The following CUX1 variants were observed in gnomAD, a reference collection of about 807,000 sequenced individuals.
CUX1 encodes cut like homeobox 1, also known as protein CASP.
In CUX1, 31 loss-of-function variants were observed where a neutral mutation model predicts 158.8. The observed-to-expected ratio is 0.20, with a 90% CI of 0.15 to 0.26. CUX1 has a LOEUF of 0.26. Among genes scored for constraint, CUX1 ranks in the 10% least tolerant of loss-of-function variants. The probability of loss-of-function intolerance (pLI) is 1.00; values close to 1 mark genes in which losing one functional copy is unlikely to be tolerated. For missense variants in CUX1, 1,589 were observed against 2,014.6 expected (o/e 0.79, Z 4.04); for synonymous variants, 879 against 862.1 (o/e 1.02, Z -0.34).
intron 18 of CUX1, 151 bp downstream of exon 18, chr7:102,202,355 G>A (rs1795538194): frequency 1.2e-5 from 14 of 1,143,542 alleles, no homozygotes; most frequent in East Asian, 2.6e-5. Flanking sequence ...TCCAAGGTGC[G>A]GCTGGTGAAC....
chr7:102,065,368 C>T (rs549356367), intron 3 of CUX1, among the ~76,000 whole-genome samples: 1 of 152,308 alleles, frequency 6.6e-6, no homozygotes, highest in East Asian at 1.9e-4. Context: ...GTGCATGCCA[C>T]CATGCCCAGC....
At chr7:101,816,878 C>G, upstream of CUX1, 29 of 976,884 alleles carry the variant, frequency 3.0e-5, no homozygotes, top group Non-Finnish European at 3.5e-5. Flanking sequence ...CGGCCCGGGC[C>G]GCGCCGCCGC....
intron 8 of CUX1, among the ~76,000 whole-genome samples, chr7:102,151,555 A>C (rs1835662607): frequency 6.6e-6 from 1 of 151,822 alleles, no homozygotes; most frequent in Non-Finnish European, 1.5e-5. Flanking sequence ...ACTCCATCTC[A>C]GAAAATAAAA....
intron 9 of CUX1, among the ~76,000 whole-genome samples, chr7:102,165,254 G>A (rs921633085): frequency 4.0e-5 from 6 of 151,068 alleles, no homozygotes; most frequent in Admixed American, 2.0e-4. Context: ...GCCTTACCAC[G>A]TTTTATGAGT....
intron 1 of CUX1, among the ~76,000 whole-genome samples, chr7:101,837,143 C>T (rs1479123702): frequency 1.3e-5 from 2 of 152,168 alleles, no homozygotes; most frequent in African/African-American, 4.8e-5. Context: ...TTGAGATGCA[C>T]TTGTCCGGGG....
intron 1 of CUX1, among the ~76,000 whole-genome samples, chr7:101,888,110 G>GA (rs1270606744): frequency 6.6e-6 from 1 of 152,080 alleles, no homozygotes; most frequent in Non-Finnish European, 1.5e-5. Flanking sequence ...GAGGTGGGGG[G>GA]ATCACCTGAG....
intron 2 of CUX1, among the ~76,000 whole-genome samples, chr7:102,018,604 A>G (rs1818957760): frequency 6.6e-6 from 1 of 152,248 alleles, no homozygotes. Context: ...GGCCACACAC[A>G]GGATCTCAGA....
At chr7:102,002,970 C>T (rs1454690384) in intron 2 of CUX1, among the ~76,000 whole-genome samples, 1 of 152,014 alleles carries the variant, frequency 6.6e-6, no homozygotes, top group African/African-American at 2.4e-5. Flanking sequence ...GGCACAATCT[C>T]GGCTCACTGC....
intron 1 of CUX1, among the ~76,000 whole-genome samples, chr7:101,824,011 T>G (rs1187303962): frequency 7.9e-5 from 12 of 152,222 alleles, no homozygotes; most frequent in Non-Finnish European, 8.8e-5. Context: ...AAACTGGGGC[T>G]TTCTCCCTAA....
intron 2 of CUX1, among the ~76,000 whole-genome samples, chr7:101,934,388 C>G (rs73712590): frequency 1.4e-3 from 210 of 152,304 alleles, no homozygotes; most frequent in African/African-American, 4.7e-3. Context: ...GGTTGTATCT[C>G]TCTGACAACC....
chr7:101,816,942 C>T (rs977518227), upstream of CUX1: 7 of 982,640 alleles, frequency 7.1e-6, no homozygotes, highest in African/African-American at 1.1e-4. Flanking sequence ...GTTTACGTCC[C>T]GGGGAGCGCC....
At chr7:102,060,608 AACACACACACACACACACAC>A (rs58786987) in intron 3 of CUX1, among the ~76,000 whole-genome samples, 5 of 133,214 alleles carry the variant, frequency 3.8e-5, no homozygotes, top group African/African-American at 1.1e-4. Context: ...CACACAAATA[AACACACACACACACACACAC>A]ACACACACAC....
chr7:102,153,564 G>A (rs1274549154), intron 8 of CUX1: 2 of 152,262 alleles, frequency 1.3e-5, no homozygotes, highest in African/African-American at 2.4e-5. Flanking sequence ...CAAGCAGCAG[G>A]GAGGAGTCAT....
chr7:102,129,958 T>TA (rs782620882), intron 8 of CUX1, among the ~76,000 whole-genome samples: 11 of 152,260 alleles, frequency 7.2e-5, no homozygotes, highest in Non-Finnish European at 1.3e-4. Context: ...GGGATTTCGT[T>TA]AAAAAACTTT....
intron 8 of CUX1, among the ~76,000 whole-genome samples, chr7:102,147,885 G>C (rs1585907814): frequency 1.3e-5 from 2 of 152,204 alleles, no homozygotes; most frequent in African/African-American, 4.8e-5. Flanking sequence ...TGTACTCCCA[G>C]CTACTCGGGA....
chr7:102,065,021 A>G (rs1196321746), intron 3 of CUX1, among the ~76,000 whole-genome samples: 1 of 152,136 alleles, frequency 6.6e-6, no homozygotes, highest in African/African-American at 2.4e-5. Context: ...CAAAGGGACA[A>G]CCTACCACAG....
intron 21 of CUX1, among the ~76,000 whole-genome samples, chr7:102,228,253 C>T (rs983056070): frequency 1.3e-5 from 2 of 152,046 alleles, no homozygotes; most frequent in Admixed American, 1.3e-4. Flanking sequence ...CATGAGCCAT[C>T]GTGCCTGGCT....
At chr7:101,936,726 C>G (rs1193352529) in intron 2 of CUX1, among the ~76,000 whole-genome samples, 1 of 152,104 alleles carries the variant, frequency 6.6e-6, no homozygotes, top group Non-Finnish European at 1.5e-5. Context: ...CCCTGCCATC[C>G]CCACCGGCCT....
intron 2 of CUX1, among the ~76,000 whole-genome samples, chr7:102,000,430 C>T (rs891166808): frequency 6.6e-6 from 1 of 152,192 alleles, no homozygotes; most frequent in Non-Finnish European, 1.5e-5. Flanking sequence ...CTTTCTCATC[C>T]GCCTCTTGTG....
Sources: gnomAD v4.1 joint callset for allele counts (sites outside exome capture counted in the v4.1 genomes callset) on GRCh38, gnomAD v4.1.1 for gene constraint, MANE v1.5 for transcripts, NCBI Gene and HGNC (gene_info 2026-07-23, HGNC 2026-07-21) for gene names.